Variants in MATN2 observed in about 807,000 individuals in gnomAD.
The protein encoded by MATN2 is matrilin 2, also known as matrilin-2.
A neutral mutation model predicts 103.2 loss-of-function variants in MATN2; 69 were observed. The observed-to-expected ratio is 0.67, with a 90% confidence interval of 0.55 to 0.82. The LOEUF (loss-of-function observed/expected upper bound fraction) is 0.82. MATN2 is among the 40% of genes least tolerant of loss of function. MATN2 has a pLI of 0.00. For missense variants in MATN2, 1,023 were observed against 1,211.5 expected (o/e 0.84, Z 2.31); for synonymous variants, 429 against 450.2 (o/e 0.95, Z 0.60).
intron 5 of MATN2, among the ~76,000 whole-genome samples, chr8:97,967,053 G>A (rs1173255168): frequency 6.6e-6 from 1 of 152,030 alleles, no homozygotes; most frequent in Non-Finnish European, 1.5e-5. Flanking sequence ...AGGAGCAAGA[G>A]GTAGGGGGAG....
intron 18 of MATN2, 21 bp from the exon 19 acceptor site, chr8:98,035,636 C>A: frequency 2.7e-6 from 4 of 1,471,476 alleles, no homozygotes; most frequent in Non-Finnish European, 2.8e-6. Context: ...AATTCTTCAT[C>A]TTCCTTAATT....
chr8:97,891,561 C>T (rs769841389), intron 2 of MATN2, among the ~76,000 whole-genome samples: 7 of 152,094 alleles, frequency 4.6e-5, no homozygotes, highest in Non-Finnish European at 1.0e-4. Flanking sequence ...TGATCTTGAA[C>T]TCCTGGGCTC....
In MATN2 at chr8:98,004,847, CTGGG is replaced by C. The variant is rs72357713; in HGVS notation, c.1327+1065_1327+1068del. 9.7e-3 allele frequency among the ~76,000 whole-genome samples: 1,477 copies of C among 152,362 alleles called. 26 individuals carry two copies. The highest frequency in any genetic ancestry group is 0.034 in the African/African-American group (1,396 of 41,576). ...TATGGGAACTTGCAAGCTCTGCCAGCTGGGCGGCTCCATGGTTTTTTATGAGGCA... is the reference window on the plus strand; with the variant it reads ...TATGGGAACTTGCAAGCTCTGCCAGCCGGCTCCATGGTTTTTTATGAGGCA... On this transcript the variant is annotated intron_variant, in intron 8 of 18. Coordinates refer to ENST00000254898, the MANE Select transcript of MATN2 (RefSeq NM_002380.5).
rs533892291 is a variant in MATN2 at position 98,034,643 on chromosome 8, G to A, written c.2815+984G>A. 1.1e-3 allele frequency among the ~76,000 whole-genome samples: 173 copies of A among 152,104 alleles called. 1 individual carries two copies. Among genetic ancestry groups the A allele is most frequent in the Middle Eastern group, 0.01 (3 of 294 alleles). On this transcript the variant is annotated intron_variant, in intron 18 of 18. Transcript: ENST00000254898. ...CCTATTCTAATGCCCTTTTCTTCTC[G>A]CTTGCCTGTCCCACCCCAAAGTTCT...
intron 2 of MATN2, among the ~76,000 whole-genome samples, chr8:97,916,008 T>A (rs982807870): frequency 6.6e-6 from 1 of 152,086 alleles, no homozygotes; most frequent in Non-Finnish European, 1.5e-5. Context: ...GCTCATTTTT[T>A]AAAAGAAAAT....
chr8:98,034,439 T>C, intron 18 of MATN2: 1 of 274,782 alleles, frequency 3.6e-6, no homozygotes, highest in South Asian at 3.5e-5. Flanking sequence ...TCTGTGCCAA[T>C]GGGCTTATGT....
At chr8:97,909,672 G>T (rs1288326140) in intron 2 of MATN2, among the ~76,000 whole-genome samples, 1 of 152,206 alleles carries the variant, frequency 6.6e-6, no homozygotes, top group African/African-American at 2.4e-5. Flanking sequence ...GGGGCCCACG[G>T]TAGGAGATGA....
chr8:97,910,525 G>T (rs1809378772), intron 2 of MATN2, among the ~76,000 whole-genome samples: 1 of 152,174 alleles, frequency 6.6e-6, no homozygotes, highest in Admixed American at 6.5e-5. Context: ...TTATTTTGTG[G>T]CAAATGTCCT....
At chr8:97,904,107 G>A (rs1328423344) in intron 2 of MATN2, among the ~76,000 whole-genome samples, 2 of 151,936 alleles carry the variant, frequency 1.3e-5, no homozygotes, top group Admixed American at 6.5e-5. Flanking sequence ...TTCATTTTTT[G>A]CACTCTCTGG....
chr8:97,905,762 A>G (rs1373791096), intron 2 of MATN2, among the ~76,000 whole-genome samples: 1 of 152,132 alleles, frequency 6.6e-6, no homozygotes, highest in Non-Finnish European at 1.5e-5. Context: ...TCCCTGGCTC[A>G]GGTGATCTTT....
intron 2 of MATN2, among the ~76,000 whole-genome samples, chr8:97,915,577 GC>G: frequency 6.6e-6 from 1 of 152,138 alleles, no homozygotes; most frequent in Non-Finnish European, 1.5e-5. Flanking sequence ...CCAGGGAAAG[GC>G]CCTGAGGCGC....
chr8:98,027,865 A>G (rs930276240), intron 14 of MATN2, 36 bp downstream of exon 14: 9 of 1,513,188 alleles, frequency 5.9e-6, no homozygotes, highest in Non-Finnish European at 8.0e-6. Flanking sequence ...ACACCACTCA[A>G]GGTTCAGGTT....
rs951457559 is a variant in MATN2 at position 98,036,471 on chromosome 8, C to A, written c.*759C>A. 6.6e-6 allele frequency: 1 copy of A among 152,168 alleles called. No homozygotes were observed. Among genetic ancestry groups the A allele is most frequent in the Non-Finnish European group, 1.5e-5 (1 of 68,036 alleles). 9.4% of individuals were successfully genotyped at this position (152,168 alleles called of 1,614,324 possible). On this transcript the variant is annotated 3_prime_UTR_variant, in exon 19 of 19. Transcript: ENST00000254898. ...ACTCTTTGTAGAGTAAGTCTGTTGA[C>A]ATCTCATAAAACTGAAAATGCACAC...
chr8:98,036,054 T>A lies in MATN2; in HGVS notation c.*342T>A. The A allele has an allele frequency of 5.2e-6, 1 of 193,672 alleles. No homozygotes were observed. The allele number at this position is 193,672 out of a possible 1,614,324, so 12.0% of individuals were successfully genotyped here. ...TGACTATACGATAAAGTTTGCACAG[T>A]CTTACTTCTGTAGAACACTGGCCAT... On this transcript the variant is annotated 3_prime_UTR_variant, in exon 19 of 19. Coordinates refer to ENST00000254898, the MANE Select transcript of MATN2 (RefSeq NM_002380.5).
chr8:97,908,330 C>T (rs936506155), intron 2 of MATN2, among the ~76,000 whole-genome samples: 1 of 151,776 alleles, frequency 6.6e-6, no homozygotes, highest in African/African-American at 2.4e-5. Flanking sequence ...AGGAATTAAG[C>T]CAGTTACGAT....
At chr8:97,963,706 G>A (rs1811389399) in intron 5 of MATN2, among the ~76,000 whole-genome samples, 1 of 152,112 alleles carries the variant, frequency 6.6e-6, no homozygotes, top group African/African-American at 2.4e-5. Flanking sequence ...TCCAAAGAGT[G>A]GGAAAATGGG....
At chr8:97,942,204 T>G (rs1336094828) in intron 4 of MATN2, among the ~76,000 whole-genome samples, 1 of 152,208 alleles carries the variant, frequency 6.6e-6, no homozygotes, top group Non-Finnish European at 1.5e-5. Context: ...CAGGGACTAC[T>G]GAAGAGCCTT....
intron 2 of MATN2, among the ~76,000 whole-genome samples, chr8:97,923,328 T>C (rs997932155): frequency 6.6e-6 from 1 of 152,160 alleles, no homozygotes; most frequent in Non-Finnish European, 1.5e-5. Context: ...GTGTTTTGGG[T>C]CACCCTTCGG....
intron 6 of MATN2, among the ~76,000 whole-genome samples, chr8:97,985,667 A>G (rs1412149782): frequency 6.6e-6 from 1 of 152,204 alleles, no homozygotes; most frequent in Non-Finnish European, 1.5e-5. Flanking sequence ...ACTGGTTCCT[A>G]TAGAAGTGAA....
Sources: allele counts gnomAD v4.1 joint callset (sites outside exome capture counted in the v4.1 genomes callset), GRCh38; gene constraint gnomAD v4.1.1; transcripts MANE v1.5; gene names NCBI Gene and HGNC (gene_info 2026-07-23, HGNC 2026-07-21).